TBX19: variants seen among roughly 807,000 people sequenced by gnomAD.
TBX19 encodes T-box transcription factor 19, also known as T-box transcription factor TBX19.
In TBX19, 33 loss-of-function variants were observed where a neutral mutation model predicts 40.9. The observed-to-expected ratio is 0.81, with a 90% confidence interval of 0.61 to 1.08. TBX19 has a LOEUF of 1.08. Ranked by LOEUF, TBX19 falls within the 50% of genes least tolerant of loss-of-function variation. The pLI, the probability that TBX19 is intolerant of heterozygous loss-of-function variation, is 0.00. For synonymous variants in TBX19, 220 were observed against 225.0 expected, an observed-to-expected ratio of 0.98 and a Z score of 0.20; for missense variants, 494 against 574.0, an observed-to-expected ratio of 0.86 and a Z score of 1.42.
intron 1 of TBX19, among the ~76,000 whole-genome samples, chr1:168,282,459 C>T (rs1648683603): frequency 6.6e-6 from 1 of 152,072 alleles, no homozygotes; most frequent in Admixed American, 6.6e-5. Context: ...CAAGAAATTG[C>T]GATTATACCA....
intron 1 of TBX19, 32 bp downstream of exon 1, chr1:168,281,325 C>G: frequency 6.2e-7 from 1 of 1,600,616 alleles, no homozygotes; most frequent in Non-Finnish European, 8.6e-7. Flanking sequence ...CGTGGGCTGG[C>G]AGGGCTTGGC....
rs960844295 is a variant in TBX19 at position 168,281,061 on chromosome 1, A to G, written c.-30A>G. ...AAGCTAGAAGCAGGCAAGTTGGGTA[A>G]CGGCTCTCGGCAAAGTTCGAGAAGT... On this transcript the variant is annotated 5_prime_UTR_variant, in exon 1 of 8. Transcript: ENST00000367821. 1 of 1,612,006 alleles carries G rather than the reference A, an allele frequency of 6.2e-7. No homozygotes were observed. Among genetic ancestry groups the G allele is most frequent in the Non-Finnish European group, 8.5e-7 (1 of 1,178,600 alleles).
chr1:168,293,011 C>T (rs1179954165), intron 2 of TBX19, 133 bp from the exon 3 acceptor site: 4 of 1,462,802 alleles, frequency 2.7e-6, no homozygotes, highest in African/African-American at 1.4e-5. Flanking sequence ...GCTCAGGTGG[C>T]CTAGGATTTG....
intron 5 of TBX19, among the ~76,000 whole-genome samples, chr1:168,303,697 A>G (rs1018042255): frequency 3.3e-5 from 5 of 152,180 alleles, no homozygotes; most frequent in African/African-American, 1.2e-4. Context: ...ATTATATGCT[A>G]TACAGGGGGT....
Position 168,291,289 on chromosome 1 carries a change from T to C in TBX19, c.333T>C (p.Ala111=). The C allele has an allele frequency of 6.2e-7, 1 of 1,614,206 alleles. No homozygotes were observed. Among genetic ancestry groups the C allele is most frequent in the Non-Finnish European group, 8.5e-7 (1 of 1,180,034 alleles). The change falls in exon 2 of 8, where the codon GCT becomes GCC. Residue 111 remains alanine (A), a synonymous_variant. Transcript: ENST00000367821. ...ACGTCAACGGGGAATGGGTGCCCGC[T>C]GGCAAGCCAGAGGTCTCCAGCCACA... is the stretch of plus-strand genomic sequence containing the variant. The part of the protein sequence containing the change: ...WKYVNGEWVP[A]GKPEVSSHSC...
At chr1:168,300,548 C>G in intron 5 of TBX19, 65 bp downstream of exon 5, 1 of 1,463,632 alleles carries the variant, frequency 6.8e-7, no homozygotes, top group Non-Finnish European at 9.6e-7. Context: ...TCCTTCCACA[C>G]TCAGACTCTT....
intron 5 of TBX19, among the ~76,000 whole-genome samples, chr1:168,301,663 T>A (rs1243541152): frequency 6.6e-6 from 1 of 152,262 alleles, no homozygotes; most frequent in South Asian, 2.1e-4. Flanking sequence ...GACTACAGCT[T>A]GGGAGCACAG....
At chr1:168,295,981 C>T (rs912072375) in intron 3 of TBX19, among the ~76,000 whole-genome samples, 1 of 152,184 alleles carries the variant, frequency 6.6e-6, no homozygotes, top group African/African-American at 2.4e-5. Flanking sequence ...CCAGCAATCT[C>T]CCGGCCTGAC....
At chr1:168,308,415 T>G in intron 6 of TBX19, 1 of 366,484 alleles carries the variant, frequency 2.7e-6, no homozygotes, top group Non-Finnish European at 5.2e-6. Context: ...TATGGTCCCT[T>G]CTTAAAAGAG....
chr1:168,293,405 TA>T, intron 3 of TBX19, 127 bp downstream of exon 3: 1 of 1,241,484 alleles, frequency 8.1e-7, no homozygotes, highest in Non-Finnish European at 1.1e-6. Flanking sequence ...AGGATTTGGA[TA>T]CACTCAGCAG....
At chr1:168,294,234 A>G (rs1015601915) in intron 3 of TBX19, among the ~76,000 whole-genome samples, 2 of 152,150 alleles carry the variant, frequency 1.3e-5, no homozygotes, top group African/African-American at 2.4e-5. Context: ...ACCTAGGTAT[A>G]TCTCCTTTTC....
At chr1:168,289,973 C>T (rs141375754) in intron 1 of TBX19, among the ~76,000 whole-genome samples, 8 of 152,212 alleles carry the variant, frequency 5.3e-5, no homozygotes, top group African/African-American at 7.2e-5. Flanking sequence ...GCAGGTGGAT[C>T]GCCTGAGGTT....
chr1:168,290,019 C>T lies in TBX19; in HGVS notation c.204-1141C>T, dbSNP rs567697388. Among the ~76,000 whole-genome samples, 99 of 152,224 alleles carry T rather than the reference C, an allele frequency of 6.5e-4. 2 individuals carry two copies. In the South Asian group the frequency reaches 0.02, roughly 30 times the overall value. On this transcript the variant is annotated intron_variant, in intron 1 of 7. Transcript: ENST00000367821. ...GACCAGCCTGGCCAACATGGTGAAA[C>T]CCTGTCTCTACTAAAAATCCAAAAA...
At chr1:168,311,202 A>G (rs1649512709) in intron 7 of TBX19, among the ~76,000 whole-genome samples, 1 of 152,094 alleles carries the variant, frequency 6.6e-6, no homozygotes, top group Non-Finnish European at 1.5e-5. Flanking sequence ...GCCAAGTTGT[A>G]TACTAGATAC....
intron 2 of TBX19, 135 bp downstream of exon 2, chr1:168,291,559 G>A (rs752160260): frequency 7.9e-6 from 10 of 1,266,532 alleles, no homozygotes; most frequent in South Asian, 2.5e-5. Flanking sequence ...AATTATTCCC[G>A]GGAGTCCAAA....
chr1:168,289,981 G>GGGAA (rs1648898429), intron 1 of TBX19, among the ~76,000 whole-genome samples: 1 of 152,152 alleles, frequency 6.6e-6, no homozygotes, highest in Non-Finnish European at 1.5e-5. Flanking sequence ...ATCGCCTGAG[G>GGGAA]TTGAGAGTTT....
At position 168,291,319 on chromosome 1, in the gene TBX19, C is replaced by T. The variant is rs373440757; in HGVS notation, c.363C>T (p.Cys121=). 1.9e-5 allele frequency: 30 copies of T among 1,614,102 alleles called. No individual in the cohort carries two copies. Among genetic ancestry groups the T allele is most frequent in the Middle Eastern group, 1.6e-4 (1 of 6,084 alleles). The change falls in exon 2 of 8, where the codon TGC becomes TGT. Residue 121 remains cysteine (C), a synonymous_variant. Transcript: ENST00000367821. The part of the protein sequence containing the change: ...AGKPEVSSHS[C]VYIHPDSPNF... Reference sequence around the variant, plus strand: ...AGCCAGAGGTCTCCAGCCACAGCTGCGTCTACATTCACCCGGACTCCCCCA... The same window carrying T: ...AGCCAGAGGTCTCCAGCCACAGCTGTGTCTACATTCACCCGGACTCCCCCA...
At chr1:168,289,362 A>G (rs1041030945) in intron 1 of TBX19, among the ~76,000 whole-genome samples, 18 of 152,366 alleles carry the variant, frequency 1.2e-4, no homozygotes, top group African/African-American at 3.4e-4. Flanking sequence ...TAATCCTTCT[A>G]TTGAAGAAAG....
Position 168,281,283 on chromosome 1 carries a change from A to C in TBX19, c.193A>C (p.Lys65Gln). The change falls in exon 1 of 8, where the codon AAG becomes CAG. Residue 65 changes from lysine to glutamine, a missense_variant. Transcript: ENST00000367821. ...KEVTNEMIVT[K>Q]NGRRMFPVLK... ...AGTCACTAATGAGATGATTGTGACCAAGAATGGCAGGTGAGTTTATCTGCC... is the reference window on the plus strand; with the variant it reads ...AGTCACTAATGAGATGATTGTGACCCAGAATGGCAGGTGAGTTTATCTGCC... 1 of 1,614,192 alleles carries C rather than the reference A, an allele frequency of 6.2e-7. No homozygotes were observed. The highest frequency in any genetic ancestry group is 8.5e-7 in the Non-Finnish European group (1 of 1,180,022).
Sources: allele counts gnomAD v4.1 joint callset (sites outside exome capture counted in the v4.1 genomes callset), GRCh38; gene constraint gnomAD v4.1.1; transcripts MANE v1.5; gene names NCBI Gene and HGNC (gene_info 2026-07-23, HGNC 2026-07-21).